The following CDH12 variants were observed in gnomAD, a reference collection of about 807,000 sequenced individuals.
CDH12 encodes the protein cadherin 12.
CDH12 carries 41 observed loss-of-function variants against 74.1 expected under a neutral mutation model. The observed-to-expected ratio is 0.55, with a 90% CI of 0.43 to 0.72. The LOEUF is 0.72. CDH12 is among the 30% of genes least tolerant of loss of function. The probability of loss-of-function intolerance (pLI) is 0.00; values close to 1 mark genes in which losing one functional copy is unlikely to be tolerated. For missense variants in CDH12, 945 were observed against 977.2 expected, an observed-to-expected ratio of 0.97 and a Z score of 0.44; for synonymous variants, 399 against 355.0, an observed-to-expected ratio of 1.12 and a Z score of -1.39.
At chr5:21,934,116 A>C in intron 6 of CDH12, among the ~76,000 whole-genome samples, 1 of 151,894 alleles carries the variant, frequency 6.6e-6, no homozygotes, top group South Asian at 2.1e-4. Context: ...ACACACACCC[A>C]CACACACACA....
intron 3 of CDH12, among the ~76,000 whole-genome samples, chr5:22,325,140 A>G (rs1739032699): frequency 6.6e-6 from 1 of 152,330 alleles, no homozygotes; most frequent in Non-Finnish European, 1.5e-5. Context: ...TCTAATAAAG[A>G]TCTGCGAGTA....
intron 10 of CDH12, among the ~76,000 whole-genome samples, chr5:21,798,249 ATGTG>A (rs55704091): frequency 0.38 from 56,324 of 148,722 alleles, 12,800 homozygotes; most frequent in Non-Finnish European, 0.51. Context: ...GTATATGTGG[ATGTG>A]TGTGTGTGTG....
chr5:22,251,050 G>A (rs770035222), intron 3 of CDH12, among the ~76,000 whole-genome samples: 17 of 152,156 alleles, frequency 1.1e-4, no homozygotes, highest in African/African-American at 3.9e-4. Context: ...AATTTCCAAG[G>A]CTGATGAAAT....
Position 22,236,167 on chromosome 5 carries a change from G to C in CDH12, c.-332-23524C>G, listed in dbSNP as rs184416091. ...AGCAGCGAATGAATATGAAGGCCTA[G>C]GCCATTACACATGGACTTCATAAAC... is the stretch of plus-strand genomic sequence containing the variant. On this transcript the variant is annotated intron_variant, in intron 3 of 14. Coordinates refer to ENST00000382254, the MANE Select transcript of CDH12 (RefSeq NM_004061.5). Among the ~76,000 whole-genome samples, 367 of 152,284 alleles carry C rather than the reference G, an allele frequency of 2.4e-3. 3 individuals carry two copies. The highest frequency in any genetic ancestry group is 8.7e-3 in the African/African-American group (361 of 41,552).
intron 5 of CDH12, among the ~76,000 whole-genome samples, chr5:22,036,214 T>A (rs767839326): frequency 7.9e-5 from 12 of 152,156 alleles, no homozygotes; most frequent in Non-Finnish European, 1.0e-4. Context: ...CTTGGCAAAC[T>A]CCTCCACACT....
rs533037146 is a variant in CDH12 at position 22,605,637 on chromosome 5, C to A, written c.-522-100273G>T. ...TCTGCTGACCTCAGGTGCATCCCATCCCCAGCTGGGCACATGGAGGGCACA... is the reference window on the plus strand; with the variant it reads ...TCTGCTGACCTCAGGTGCATCCCATACCCAGCTGGGCACATGGAGGGCACA... On this transcript the variant is annotated intron_variant, in intron 1 of 14. Transcript: ENST00000382254. Among the ~76,000 whole-genome samples, 12 of 152,314 alleles carry A rather than the reference C, an allele frequency of 7.9e-5. 1 individual carries two copies. The South Asian group carries it at 2.3e-3, about 29-fold the overall frequency.
intron 6 of CDH12, among the ~76,000 whole-genome samples, chr5:21,920,196 G>T (rs746753715): frequency 2.6e-5 from 4 of 152,080 alleles, no homozygotes; most frequent in Admixed American, 6.6e-5. Flanking sequence ...AGAAAATTGG[G>T]ATACATCCAT....
At chr5:22,543,931 A>G (rs1738207346) in intron 1 of CDH12, among the ~76,000 whole-genome samples, 1 of 151,776 alleles carries the variant, frequency 6.6e-6, no homozygotes, top group Non-Finnish European at 1.5e-5. Flanking sequence ...GTAGCTCCTG[A>G]TGTGCCTAAC....
intron 1 of CDH12, among the ~76,000 whole-genome samples, chr5:22,719,611 C>T (rs923239177): frequency 5.9e-5 from 9 of 152,068 alleles, no homozygotes; most frequent in Non-Finnish European, 1.3e-4. Flanking sequence ...ATGAAACATT[C>T]CTCCATGTGG....
chr5:22,202,161 TCCTTCCTC>T (rs781224913), intron 4 of CDH12, among the ~76,000 whole-genome samples: 2,742 of 43,080 alleles, frequency 0.064, 223 homozygotes, highest in South Asian at 0.14. Context: ...CTTCCTTCCT[TCCTTCCTC>T]CCTTCCTTCC....
At chr5:22,696,228 G>A (rs572646913) in intron 1 of CDH12, among the ~76,000 whole-genome samples, 4 of 151,920 alleles carry the variant, frequency 2.6e-5, no homozygotes, top group East Asian at 3.9e-4. Context: ...AAAATTAGCC[G>A]GGCGTGGTGG....
chr5:21,934,611 A>G (rs1291548041), intron 6 of CDH12, among the ~76,000 whole-genome samples: 1 of 152,128 alleles, frequency 6.6e-6, no homozygotes, highest in Non-Finnish European at 1.5e-5. Context: ...AAGTTATACA[A>G]TGTGTGGATT....
At chr5:21,994,923 C>T (rs1196911990) in intron 5 of CDH12, among the ~76,000 whole-genome samples, 1 of 152,134 alleles carries the variant, frequency 6.6e-6, no homozygotes, top group East Asian at 1.9e-4. Context: ...CCACCTGAGC[C>T]AGCAACGGCA....
At chr5:22,185,101 T>G (rs1241592113) in intron 4 of CDH12, among the ~76,000 whole-genome samples, 1 of 152,150 alleles carries the variant, frequency 6.6e-6, no homozygotes, top group Non-Finnish European at 1.5e-5. Context: ...TAAAGATGTG[T>G]GCTTATAAAT....
At chr5:22,656,662 C>T (rs992599710) in intron 1 of CDH12, among the ~76,000 whole-genome samples, 2 of 152,138 alleles carry the variant, frequency 1.3e-5, no homozygotes, top group Non-Finnish European at 2.9e-5. Context: ...ACCTTGTGGA[C>T]TTAGTAATTT....
chr5:21,902,223 T>C (rs1394226864), intron 6 of CDH12, among the ~76,000 whole-genome samples: 1 of 151,512 alleles, frequency 6.6e-6, no homozygotes, highest in Non-Finnish European at 1.5e-5. Flanking sequence ...GTAAACCAAA[T>C]TGAGGTGCTC....
chr5:22,515,347 G>T (rs1272564419), intron 1 of CDH12, among the ~76,000 whole-genome samples: 2 of 152,014 alleles, frequency 1.3e-5, no homozygotes, highest in South Asian at 2.1e-4. Flanking sequence ...GATTAGAATA[G>T]CTAAGACATT....
chr5:22,793,340 A>T (rs2126390877), intron 1 of CDH12, among the ~76,000 whole-genome samples: 1 of 152,308 alleles, frequency 6.6e-6, no homozygotes, highest in African/African-American at 2.4e-5. Context: ...TGCTATACAA[A>T]TTATATACTG....
At chr5:21,806,009 C>T (rs565145454) in intron 9 of CDH12, among the ~76,000 whole-genome samples, 1 of 152,116 alleles carries the variant, frequency 6.6e-6, no homozygotes, top group South Asian at 2.1e-4. Context: ...ACTAGTGGCA[C>T]CAGAATGTTC....
Sources: gnomAD v4.1 joint callset for allele counts (sites outside exome capture counted in the v4.1 genomes callset) on GRCh38, gnomAD v4.1.1 for gene constraint, MANE v1.5 for transcripts, NCBI Gene and HGNC (gene_info 2026-07-23, HGNC 2026-07-21) for gene names.